Variants in DNAH9 observed in about 807,000 individuals in gnomAD.
DNAH9 encodes DNAH9 variant protein.
Under a neutral mutation model 471.6 loss-of-function variants are expected in DNAH9, and 345 were observed. The observed-to-expected ratio is 0.73, with a 90% CI of 0.67 to 0.80. The LOEUF (loss-of-function observed/expected upper bound fraction) is 0.80, where lower values mean the gene tolerates loss of function less well. Among genes scored for constraint, DNAH9 ranks in the 30% least tolerant of loss-of-function variants. The probability of loss-of-function intolerance (pLI) is 0.00; values close to 1 mark genes in which losing one functional copy is unlikely to be tolerated. For synonymous variants in DNAH9, 2,093 were observed against 2,123.6 expected, an observed-to-expected ratio of 0.99 and a Z score of 0.40; for missense variants, 5,407 against 5,609.2, an observed-to-expected ratio of 0.96 and a Z score of 1.15.
chr17:11,659,240 A>T (rs954243698), intron 14 of DNAH9, among the ~76,000 whole-genome samples: 2 of 152,200 alleles, frequency 1.3e-5, no homozygotes, highest in Non-Finnish European at 2.9e-5. Context: ...TTTTCATTTT[A>T]TCTAAGTTAT....
intron 41 of DNAH9, among the ~76,000 whole-genome samples, chr17:11,788,505 ATGCTTTCC>A (rs1222752006): frequency 6.6e-6 from 1 of 152,278 alleles, no homozygotes; most frequent in African/African-American, 2.4e-5. Flanking sequence ...CCTTCCATTC[ATGCTTTCC>A]TGCTTTCCTC....
At chr17:11,613,554 G>A (rs745833270) in intron 4 of DNAH9, among the ~76,000 whole-genome samples, 12 of 152,252 alleles carry the variant, frequency 7.9e-5, no homozygotes, top group Admixed American at 1.3e-4. Flanking sequence ...GCAGTGAGTC[G>A]AGATCGCGTC....
At chr17:11,950,140 C>T (rs903261181) in intron 67 of DNAH9, among the ~76,000 whole-genome samples, 4 of 152,132 alleles carry the variant, frequency 2.6e-5, no homozygotes, top group African/African-American at 7.2e-5. Context: ...TTCCCATACA[C>T]CTGCTGTCCT....
In DNAH9 at chr17:11,738,925, A is replaced by G; in HGVS notation, c.5860A>G (p.Ser1954Gly). ...DAIRDKKQWF[S>G]FLGEEISLNP... is the part of the protein sequence containing the mutation. ...GATTAGAGATAAGAAGCAGTGGTTC[A>G]GCTTCCTTGGGGAGGAGATCAGCCT... Residue 1954 changes from serine to glycine, a missense_variant, in exon 29 of 69, where the codon AGC becomes GGC. Around this residue, in one of 3 missense-constraint regions of DNAH9, gnomAD observed 4,636 missense variants for 4,900.3 expected, o/e 0.95. Coordinates refer to ENST00000262442, the MANE Select transcript of DNAH9 (RefSeq NM_001372.4). 1.2e-6 allele frequency: 2 copies of G among 1,614,092 alleles called. No homozygotes were observed. The highest frequency in any genetic ancestry group is 8.5e-7 in the Non-Finnish European group (1 of 1,179,910).
intron 67 of DNAH9, among the ~76,000 whole-genome samples, chr17:11,961,467 T>C (rs1022855686): frequency 6.6e-6 from 1 of 152,204 alleles, no homozygotes; most frequent in Non-Finnish European, 1.5e-5. Context: ...TAGATCTTTG[T>C]AGGCGCTGGC....
intron 17 of DNAH9, among the ~76,000 whole-genome samples, chr17:11,673,602 T>G (rs1329580521): frequency 1.3e-4 from 1 of 7,564 alleles, no homozygotes; most frequent in African/African-American, 2.4e-4. Flanking sequence ...TTTATATTTG[T>G]TTTTTTTTTT....
intron 27 of DNAH9, among the ~76,000 whole-genome samples, chr17:11,723,873 C>T (rs2075106975): frequency 1.3e-5 from 2 of 152,130 alleles, no homozygotes; most frequent in South Asian, 4.2e-4. Flanking sequence ...CGGTGTCTCA[C>T]TGTGTTAGCC....
chr17:11,947,164 G>A (rs1420133549), intron 67 of DNAH9, among the ~76,000 whole-genome samples: 4 of 152,176 alleles, frequency 2.6e-5, no homozygotes, highest in Admixed American at 1.3e-4. Context: ...TTAGACATCT[G>A]TCTCTCAGCC....
In DNAH9 at chr17:11,634,495, G is replaced by A. The variant is rs117392300; in HGVS notation, c.1635+1792G>A. Among the ~76,000 whole-genome samples the A allele has an allele frequency of 6.7e-3, 1,023 of 152,266 alleles. 15 individuals carry two copies. Among genetic ancestry groups the A allele is most frequent in the Non-Finnish European group, 9.8e-3 (664 of 68,036 alleles). ...CCAAGGACTGTGAACAGACGGTGCA[G>A]GTTGGCCATGGTGGTCCCTCTGTGC... On this transcript the variant is annotated intron_variant, in intron 8 of 68. Coordinates refer to ENST00000262442, the MANE Select transcript of DNAH9 (RefSeq NM_001372.4).
At chr17:11,728,902 TG>T (rs1353741134) in intron 28 of DNAH9, among the ~76,000 whole-genome samples, 1 of 152,162 alleles carries the variant, frequency 6.6e-6, no homozygotes, top group Non-Finnish European at 1.5e-5. Flanking sequence ...TTTTGGAAAG[TG>T]GTAAGGTTGG....
At chr17:11,893,633 C>A (rs1973130157) in intron 58 of DNAH9, among the ~76,000 whole-genome samples, 1 of 152,128 alleles carries the variant, frequency 6.6e-6, no homozygotes, top group Non-Finnish European at 1.5e-5. Flanking sequence ...CCAAACACCA[C>A]ATATTCTCAC....
In DNAH9 at chr17:11,799,726, G is replaced by A. The variant is rs1300926231; in HGVS notation, c.8420+1933G>A. ...AGCCTCTGAAGTAGCTGGGATTACA[G>A]GTGCCCACCACCAGGCCTGGCTAAT... On this transcript the variant is annotated intron_variant, in intron 43 of 68. Transcript: ENST00000262442. Among the ~76,000 whole-genome samples the A allele has an allele frequency of 3.9e-5, 6 of 152,272 alleles. No individual in the cohort carries two copies. The East Asian group carries it at 1.2e-3, about 29-fold the overall frequency.
Position 11,738,872 on chromosome 17 carries a change from T to G in DNAH9, c.5815-8T>G. On this transcript the variant is annotated splice_polypyrimidine_tract_variant and splice_region_variant and intron_variant, in intron 28 of 68. Transcript: ENST00000262442. Reference sequence around the variant, plus strand: ...GAGGAATTTCTCGCTGATTGATTGGTTCACCAGGTAAAAAGCATTCAAGAT... The same window carrying G: ...GAGGAATTTCTCGCTGATTGATTGGGTCACCAGGTAAAAAGCATTCAAGAT... The G allele has an allele frequency of 6.2e-7, 1 of 1,613,608 alleles. No homozygotes were observed. Among genetic ancestry groups the G allele is most frequent in the Non-Finnish European group, 8.5e-7 (1 of 1,179,624 alleles).
At chr17:11,797,192 C>T (rs1969275138) in intron 42 of DNAH9, among the ~76,000 whole-genome samples, 1 of 152,170 alleles carries the variant, frequency 6.6e-6, no homozygotes, top group Non-Finnish European at 1.5e-5. Context: ...GATTGAGGAC[C>T]TAGATCTGTT....
At chr17:11,843,126 A>C (rs775090000) in intron 49 of DNAH9, among the ~76,000 whole-genome samples, 8 of 152,216 alleles carry the variant, frequency 5.3e-5, no homozygotes, top group Non-Finnish European at 1.2e-4. Context: ...AACGTAGAGA[A>C]AGTGCAATGA....
chr17:11,676,299 T>G (rs2074049253), intron 17 of DNAH9, among the ~76,000 whole-genome samples: 1 of 108,290 alleles, frequency 9.2e-6, no homozygotes, highest in Non-Finnish European at 2.1e-5. Context: ...TTTTTTTTTT[T>G]GAGACGGAGT....
intron 19 of DNAH9, among the ~76,000 whole-genome samples, chr17:11,684,704 C>A (rs1412831997): frequency 6.6e-6 from 1 of 152,164 alleles, no homozygotes; most frequent in African/African-American, 2.4e-5. Flanking sequence ...CAGCAGGCGA[C>A]CAGATTCTAT....
chr17:11,765,398 T>G (rs1056135924), intron 36 of DNAH9, among the ~76,000 whole-genome samples: 10 of 152,192 alleles, frequency 6.6e-5, no homozygotes, highest in Non-Finnish European at 5.9e-5. Flanking sequence ...CAAAACCATG[T>G]TCTAGAAATC....
chr17:11,632,511 G>A (rs898619258), intron 7 of DNAH9, 76 bp from the exon 8 acceptor site: 4 of 730,550 alleles, frequency 5.5e-6, no homozygotes, highest in Admixed American at 4.0e-5. Context: ...AAACACAAAA[G>A]TTAGCTGTGA....
Sources: allele counts gnomAD v4.1 joint callset (sites outside exome capture counted in the v4.1 genomes callset), GRCh38; gene constraint gnomAD v4.1.1; regional missense constraint gnomAD v4.1.1; transcripts MANE v1.5; gene names NCBI Gene and HGNC (gene_info 2026-07-23, HGNC 2026-07-21).